INPP5A: variants seen among roughly 807,000 people sequenced by gnomAD.
The protein encoded by INPP5A is inositol polyphosphate-5-phosphatase A.
INPP5A carries 14 observed loss-of-function variants against 65.2 expected under a neutral mutation model. That is an observed-to-expected ratio of 0.21 (90% CI 0.14 to 0.34). INPP5A has a LOEUF of 0.34. INPP5A is among the 10% of genes least tolerant of loss of function. The pLI is 1.00. For synonymous variants in INPP5A, 207 were observed against 208.3 expected (o/e 0.99, Z 0.05); for missense variants, 431 against 545.6 (o/e 0.79, Z 2.09).
intron 1 of INPP5A, among the ~76,000 whole-genome samples, chr10:132,590,485 G>A (rs562669072): frequency 3.3e-5 from 5 of 152,282 alleles, no homozygotes; most frequent in African/African-American, 1.2e-4. Context: ...GTGTGGGGGA[G>A]ACACTGTTGG....
Position 132,650,288 on chromosome 10 carries a change from C to T in INPP5A, c.219-130C>T. ...GGCTGCCGCCATTCCCTGCCCTCTG[C>T]CTGTCACGGGTGGATGGTCTCACGG... On this transcript the variant is annotated intron_variant, in intron 3 of 15. Transcript: ENST00000368594. This position sits in a 1 kb window ranked among gnomAD's most constrained non-coding sequence, Gnocchi z 5.5. The T allele has an allele frequency of 1.5e-6, 1 of 670,916 alleles. No individual in the cohort carries two copies. The highest frequency in any genetic ancestry group is 2.7e-6 in the Non-Finnish European group (1 of 368,926). 41.6% of individuals were successfully genotyped at this position (670,916 alleles called of 1,614,324 possible). A position where few individuals can be genotyped will look rare whatever the true frequency, so the allele number is the denominator to read the frequency against.
chr10:132,719,021 G>C (rs1413784561), intron 8 of INPP5A, among the ~76,000 whole-genome samples: 6 of 134,318 alleles, frequency 4.5e-5, no homozygotes, highest in Non-Finnish European at 9.5e-5. Context: ...CGACTGTCTT[G>C]CGGGTTCTGT....
intron 1 of INPP5A, among the ~76,000 whole-genome samples, chr10:132,552,051 T>C (rs1034163045): frequency 1.3e-5 from 2 of 152,260 alleles, no homozygotes; most frequent in Non-Finnish European, 1.5e-5. Context: ...TGTCTCCCAT[T>C]CACTCGGGAG....
chr10:132,759,067 G>A (rs553860187), intron 11 of INPP5A, among the ~76,000 whole-genome samples: 208 of 152,356 alleles, frequency 1.4e-3, no homozygotes, highest in South Asian at 5.0e-3. Flanking sequence ...CCCCGAAGGC[G>A]GAGTTCTGAT....
In INPP5A at chr10:132,550,547, C is replaced by CT. The variant is rs1229588803; in HGVS notation, c.75+12378dup. On this transcript the variant is annotated intron_variant, in intron 1 of 15. Transcript: ENST00000368594. The surrounding 1 kb of genome is among the most constrained non-coding windows in gnomAD (Gnocchi z 4.2). ...TTTCCGTGAACCGGCAGCTGTGTCC[C>CT]TTGACGTGCTGAGAGGGCCTGGCTG... 1.3e-5 allele frequency among the ~76,000 whole-genome samples: 2 copies of CT among 152,250 alleles called. No homozygotes were observed. Among genetic ancestry groups the CT allele is most frequent in the African/African-American group, 4.8e-5 (2 of 41,460 alleles).
At chr10:132,696,461 T>C (rs2134497253) in intron 5 of INPP5A, among the ~76,000 whole-genome samples, 1 of 152,296 alleles carries the variant, frequency 6.6e-6, no homozygotes, top group East Asian at 1.9e-4. Flanking sequence ...GACTGTGGCA[T>C]GTCAGCTCCA....
At position 132,691,887 on chromosome 10, in the gene INPP5A, C is replaced by T. The variant is rs2134488270; in HGVS notation, c.370+1432C>T. ...TGTGGTCGCGGGAGACGTGTGGTCG[C>T]GGGAGACATGCGGTCGCGGGAGACG... On this transcript the variant is annotated intron_variant, in intron 5 of 15. Transcript: ENST00000368594. Among the ~76,000 whole-genome samples, 2 of 149,076 alleles carry T rather than the reference C, an allele frequency of 1.3e-5. 1 individual carries two copies. The highest frequency in any genetic ancestry group is 4.4e-4 in the South Asian group (2 of 4,564).
intron 2 of INPP5A, among the ~76,000 whole-genome samples, chr10:132,632,706 A>T (rs2133375622): frequency 6.6e-6 from 1 of 152,350 alleles, no homozygotes; most frequent in South Asian, 2.1e-4. Context: ...CAAATTATAT[A>T]AACCTGTAAT....
chr10:132,567,521 A>G (rs542103960), intron 1 of INPP5A, among the ~76,000 whole-genome samples: 1 of 152,362 alleles, frequency 6.6e-6, no homozygotes, highest in South Asian at 2.1e-4. Context: ...TGATAGGAAC[A>G]TCGTAAATAA....
chr10:132,684,255 G>A (rs1167425615), intron 4 of INPP5A, among the ~76,000 whole-genome samples: 1 of 152,120 alleles, frequency 6.6e-6, no homozygotes, highest in East Asian at 1.9e-4. Context: ...AAGCATTTGG[G>A]TCATTTTCAG....
rs1397438389 is a variant in INPP5A, at chr10:132,555,613, A to G, written c.75+17442A>G. ...GTGGGTCACAAACTCAAATGCACAC[A>G]CTTGGGGCTTCTATCCTATCAGGGA... On this transcript the variant is annotated intron_variant, in intron 1 of 15. Transcript: ENST00000368594. This position sits in a 1 kb window ranked among gnomAD's most constrained non-coding sequence, Gnocchi z 4.4. Among the ~76,000 whole-genome samples, 2 of 152,298 alleles carry G rather than the reference A, an allele frequency of 1.3e-5. No homozygotes were observed. The highest frequency in any genetic ancestry group is 1.9e-4 in the East Asian group (1 of 5,190).
rs2072464063 is a variant in INPP5A at position 132,644,256 on chromosome 10, A to C, written c.118-1612A>C. On this transcript the variant is annotated intron_variant, in intron 2 of 15. Transcript: ENST00000368594. The surrounding 1 kb of genome is among the most constrained non-coding windows in gnomAD (Gnocchi z 6.5). ...CAGGAGGGAGGGGCCCACTCGGTGC[A>C]TCCACGCAGAGGCGGCTGCGAACTC... 6.6e-6 allele frequency among the ~76,000 whole-genome samples: 1 copy of C among 152,172 alleles called. No individual in the cohort carries two copies. The highest frequency in any genetic ancestry group is 2.4e-5 in the African/African-American group (1 of 41,444).
intron 4 of INPP5A, among the ~76,000 whole-genome samples, chr10:132,684,779 G>C (rs988164650): frequency 2.6e-5 from 4 of 152,212 alleles, no homozygotes; most frequent in Non-Finnish European, 5.9e-5. Context: ...AGAGAGCACA[G>C]ATGTTTGCCA....
intron 1 of INPP5A, among the ~76,000 whole-genome samples, chr10:132,605,147 TC>T (rs1322406187): frequency 3.0e-5 from 3 of 100,646 alleles, no homozygotes; most frequent in South Asian, 7.0e-4. Flanking sequence ...AAGAAGTGGA[TC>T]CCCCAGGAGG....
intron 8 of INPP5A, among the ~76,000 whole-genome samples, chr10:132,722,413 C>T (rs1175592704): frequency 6.6e-6 from 1 of 152,170 alleles, no homozygotes; most frequent in Non-Finnish European, 1.5e-5. Context: ...AAAACTAGCC[C>T]CATTCGAGTC....
chr10:132,731,973 A>T (rs1426289072), intron 9 of INPP5A, among the ~76,000 whole-genome samples: 6 of 152,168 alleles, frequency 3.9e-5, no homozygotes, highest in Admixed American at 3.9e-4. Context: ...ATTGGACACC[A>T]TGTCCCCAAC....
intron 4 of INPP5A, among the ~76,000 whole-genome samples, chr10:132,656,721 C>T (rs908896238): frequency 1.3e-5 from 2 of 152,202 alleles, no homozygotes; most frequent in African/African-American, 2.4e-5. Context: ...AGGGTTGCCC[C>T]GGGCTCCTGA....
chr10:132,761,114 AC>A (rs776807274), intron 11 of INPP5A, among the ~76,000 whole-genome samples: 3 of 152,100 alleles, frequency 2.0e-5, no homozygotes, highest in Non-Finnish European at 4.4e-5. Flanking sequence ...GTCTGGTTCG[AC>A]CTCGACTCCC....
chr10:132,640,523 C>T (rs964239110), intron 2 of INPP5A, among the ~76,000 whole-genome samples: 3 of 152,376 alleles, frequency 2.0e-5, no homozygotes, highest in South Asian at 4.1e-4. Flanking sequence ...GGGCAAAGCC[C>T]GAAGAGGGAA....
Sources: allele counts gnomAD v4.1 joint callset (sites outside exome capture counted in the v4.1 genomes callset), GRCh38; gene constraint gnomAD v4.1.1; non-coding constraint Gnocchi (gnomAD v3.1); transcripts MANE v1.5; gene names NCBI Gene and HGNC (gene_info 2026-07-23, HGNC 2026-07-21).